The following DAB1 variants were observed in gnomAD, a reference collection of about 807,000 sequenced individuals.
DAB1 encodes the protein DAB adaptor protein 1.
Under a neutral mutation model 64.6 loss-of-function variants are expected in DAB1, and 15 were observed. That is an observed-to-expected ratio of 0.23 (90% CI 0.16 to 0.36). The LOEUF is 0.36. Ranked by LOEUF, DAB1 falls within the 10% of genes least tolerant of loss-of-function variation. The pLI is 1.00. For synonymous variants in DAB1, 235 were observed against 251.9 expected, an observed-to-expected ratio of 0.93 and a Z score of 0.64; for missense variants, 596 against 706.7, an observed-to-expected ratio of 0.84 and a Z score of 1.78.
intron 1 of DAB1, among the ~76,000 whole-genome samples, chr1:57,862,012 C>A (rs1168682304): frequency 6.6e-6 from 1 of 152,032 alleles, no homozygotes; most frequent in Non-Finnish European, 1.5e-5. Context: ...TATGGGTGCC[C>A]ATTTTATTTC....
At position 57,481,806 on chromosome 1, in the gene DAB1, G is replaced by C. The variant is rs1351380380; in HGVS notation, n.625+167786C>G. ...CACTCCAGCCTGGGTGACAGAGCAA[G>C]ACTCTGTCTCAAAAAAAAAAAAAAG... On this transcript the variant is annotated intron_variant and non_coding_transcript_variant, in intron 7 of 20. Transcript: ENST00000485760. Among the ~76,000 whole-genome samples the C allele has an allele frequency of 2.7e-5, 3 of 109,782 alleles. No homozygotes were observed. In the East Asian group the frequency reaches 6.2e-4, roughly 23 times the overall value. The allele number at this position is 109,782 out of a possible 152,430, so 72.0% of individuals were successfully genotyped here. A position where few individuals can be genotyped will look rare whatever the true frequency, so the allele number is the denominator to read the frequency against.
At chr1:58,197,222 A>T (rs1426146788) in intron 4 of DAB1, among the ~76,000 whole-genome samples, 1 of 152,230 alleles carries the variant, frequency 6.6e-6, no homozygotes, top group Non-Finnish European at 1.5e-5. Flanking sequence ...TTAAACCACA[A>T]TAAACCCTGA....
chr1:58,334,061 C>G (rs947622799), intron 4 of DAB1, among the ~76,000 whole-genome samples: 1 of 152,178 alleles, frequency 6.6e-6, no homozygotes, highest in African/African-American at 2.4e-5. Context: ...ATGTGAGATG[C>G]CTGTACAAAC....
At chr1:58,315,171 C>T (rs1409842809) in intron 4 of DAB1, among the ~76,000 whole-genome samples, 5 of 152,172 alleles carry the variant, frequency 3.3e-5, no homozygotes. Flanking sequence ...TGACCAGTAG[C>T]CTTGTCTCAT....
intron 2 of DAB1, among the ~76,000 whole-genome samples, chr1:58,521,631 A>G (rs991241599): frequency 7.9e-5 from 12 of 152,118 alleles, no homozygotes; most frequent in African/African-American, 2.7e-4. Context: ...AAAATATAAT[A>G]AGAGTATATT....
chr1:57,380,323 C>G (rs182953262), intron 1 of DAB1, among the ~76,000 whole-genome samples: 1 of 152,258 alleles, frequency 6.6e-6, no homozygotes, highest in East Asian at 1.9e-4. Flanking sequence ...TAAAGCGTAG[C>G]CTAGAACAGG....
At chr1:57,967,083 A>G (rs7532719) in intron 5 of DAB1, among the ~76,000 whole-genome samples, 58,726 of 152,040 alleles carry the variant, frequency 0.39, 12,950 homozygotes, top group Admixed American at 0.51. Context: ...AAGAATGTCA[A>G]GAGCTTTTAA....
chr1:57,233,524 C>A (rs1015037575), intron 2 of DAB1, among the ~76,000 whole-genome samples: 3 of 151,830 alleles, frequency 2.0e-5, no homozygotes, highest in Admixed American at 2.0e-4. Flanking sequence ...ACTTTGGGAG[C>A]CCGAGGCAGG....
At chr1:58,093,468 C>T (rs992321054) in intron 5 of DAB1, among the ~76,000 whole-genome samples, 18 of 152,000 alleles carry the variant, frequency 1.2e-4, no homozygotes, top group African/African-American at 4.4e-4. Flanking sequence ...GCGTTAGATT[C>T]TCATAGGTGC....
Position 58,261,364 on chromosome 1 carries a change from C to T in DAB1, n.309+81988G>A, listed in dbSNP as rs1043822515. Among the ~76,000 whole-genome samples, 5 of 152,184 alleles carry T rather than the reference C, an allele frequency of 3.3e-5. No individual in the cohort carries two copies. The East Asian group carries it at 5.8e-4, about 18-fold the overall frequency. On this transcript the variant is annotated intron_variant and non_coding_transcript_variant, in intron 4 of 20. Coordinates refer to the DAB1 transcript ENST00000485760. ...AGCCAAGTGACTTGCAAATACCTAA[C>T]TCTAGAACTGGACAGACAAGCCCAC...
intron 5 of DAB1, among the ~76,000 whole-genome samples, chr1:57,961,827 T>G (rs1645529605): frequency 6.6e-6 from 1 of 151,712 alleles, no homozygotes; most frequent in Admixed American, 6.6e-5. Flanking sequence ...AAAAAAAAAT[T>G]AGCCGGGCAT....
chr1:58,249,913 C>A (rs1348968189), intron 4 of DAB1, among the ~76,000 whole-genome samples: 1 of 152,208 alleles, frequency 6.6e-6, no homozygotes, highest in Non-Finnish European at 1.5e-5. Context: ...ACACTGCAGC[C>A]GCCGCCTTCC....
At chr1:57,072,199 TG>T in intron 5 of DAB1, 83 bp downstream of exon 5, 1 of 1,438,176 alleles carries the variant, frequency 7.0e-7, no homozygotes, top group Non-Finnish European at 9.6e-7. Flanking sequence ...TATCTGAGAG[TG>T]GGCCCTCAAA....
At chr1:58,297,348 C>T (rs1043583415) in intron 4 of DAB1, among the ~76,000 whole-genome samples, 6 of 152,110 alleles carry the variant, frequency 3.9e-5, no homozygotes, top group African/African-American at 1.4e-4. Flanking sequence ...GTACATAAGG[C>T]CCTATAGGTG....
intron 3 of DAB1, among the ~76,000 whole-genome samples, chr1:58,463,567 C>A (rs1645264498): frequency 6.6e-6 from 1 of 152,210 alleles, no homozygotes; most frequent in African/African-American, 2.4e-5. Flanking sequence ...GGGGTATGAG[C>A]ACCCACATAC....
intron 2 of DAB1, among the ~76,000 whole-genome samples, chr1:57,246,062 G>A (rs1668848756): frequency 6.6e-6 from 1 of 152,234 alleles, no homozygotes; most frequent in Non-Finnish European, 1.5e-5. Flanking sequence ...CTAGGTGGTA[G>A]AAAATAAAAC....
intron 4 of DAB1, among the ~76,000 whole-genome samples, chr1:57,107,324 G>A (rs1476246970): frequency 2.0e-5 from 3 of 151,084 alleles, no homozygotes; most frequent in Non-Finnish European, 2.9e-5. Flanking sequence ...GCAGTGAGCC[G>A]AGATTGCACC....
At chr1:57,400,849 TC>T (rs1206839831) in intron 1 of DAB1, among the ~76,000 whole-genome samples, 2 of 152,060 alleles carry the variant, frequency 1.3e-5, no homozygotes, top group Admixed American at 6.5e-5. Context: ...TTGATGTGGC[TC>T]AAACCTAATT....
chr1:58,098,924 A>C (rs1651149503), intron 5 of DAB1, among the ~76,000 whole-genome samples: 1 of 152,202 alleles, frequency 6.6e-6, no homozygotes, highest in Admixed American at 6.5e-5. Context: ...AGCCAAGCAA[A>C]ATAATGCAGA....
Sources: gnomAD v4.1 joint callset for allele counts (sites outside exome capture counted in the v4.1 genomes callset) on GRCh38, gnomAD v4.1.1 for gene constraint, MANE v1.5 for transcripts, NCBI Gene and HGNC (gene_info 2026-07-23, HGNC 2026-07-21) for gene names.